LYPD6B: variants seen among roughly 807,000 people sequenced by gnomAD.
LYPD6B encodes the protein ly6/PLAUR domain-containing protein 6B.
LYPD6B carries 17 observed loss-of-function variants against 22.8 expected under a neutral mutation model. That is an observed-to-expected ratio of 0.75 (90% CI 0.51 to 1.12). The LOEUF is 1.12. Among genes scored for constraint, LYPD6B ranks in the 50% most tolerant of loss-of-function variants. The probability of loss-of-function intolerance (pLI) is 0.00; values close to 1 mark genes in which losing one functional copy is unlikely to be tolerated. For missense variants in LYPD6B, 221 were observed against 258.3 expected (o/e 0.86, Z 0.99); for synonymous variants, 106 against 91.6 (o/e 1.16, Z -0.90).
At position 149,142,919 on chromosome 2, in the gene LYPD6B, A is replaced by C. The variant is rs370108185; in HGVS notation, c.5+11966A>C. On this transcript the variant is annotated intron_variant, in intron 2 of 6. Transcript: ENST00000409642. ...AGTAACCTTCGTTTTAGAAATTAATAAACTTTTACTTTAGAATAGTTATAG... is the reference window on the plus strand; with the variant it reads ...AGTAACCTTCGTTTTAGAAATTAATCAACTTTTACTTTAGAATAGTTATAG... Among the ~76,000 whole-genome samples, 12 of 152,346 alleles carry C rather than the reference A, an allele frequency of 7.9e-5. No individual in the cohort carries two copies. The East Asian group carries it at 9.6e-4, about 12-fold the overall frequency.
At chr2:149,183,018 T>C (rs1018645410) in intron 3 of LYPD6B, among the ~76,000 whole-genome samples, 5 of 152,342 alleles carry the variant, frequency 3.3e-5, no homozygotes, top group African/African-American at 1.2e-4. Flanking sequence ...AACTAGAATA[T>C]CTTTAGGAAA....
At chr2:149,176,369 T>G (rs1249885230) in intron 3 of LYPD6B, among the ~76,000 whole-genome samples, 1 of 152,192 alleles carries the variant, frequency 6.6e-6, no homozygotes, top group African/African-American at 2.4e-5. Flanking sequence ...AAATAATACC[T>G]AGTAAAGATG....
intron 1 of LYPD6B, among the ~76,000 whole-genome samples, chr2:149,041,421 G>A (rs556424278): frequency 5.9e-5 from 9 of 152,270 alleles, no homozygotes; most frequent in African/African-American, 2.2e-4. Flanking sequence ...GAAGTTCCCC[G>A]CGTCACTGGC....
intron 1 of LYPD6B, among the ~76,000 whole-genome samples, chr2:149,113,572 C>T (rs1027805514): frequency 2.6e-5 from 4 of 152,134 alleles, no homozygotes; most frequent in Admixed American, 2.0e-4. Flanking sequence ...AAGTGAAATA[C>T]ATTGCAATCT....
chr2:149,128,912 A>G (rs927254868), intron 1 of LYPD6B, among the ~76,000 whole-genome samples: 2 of 152,224 alleles, frequency 1.3e-5, no homozygotes, highest in Non-Finnish European at 2.9e-5. Context: ...TGTAACCATA[A>G]GAAAATCTGA....
At chr2:149,175,915 G>A (rs149736661) in intron 3 of LYPD6B, among the ~76,000 whole-genome samples, 5,681 of 151,440 alleles carry the variant, frequency 0.038, 158 homozygotes, top group Middle Eastern at 0.086. Flanking sequence ...CTTTCTTCTG[G>A]AATACCTCCT....
At chr2:149,160,339 T>C (rs768055887) in intron 2 of LYPD6B, 3 of 429,676 alleles carry the variant, frequency 7.0e-6, no homozygotes, top group Admixed American at 2.4e-5. Context: ...CCAAACCAGG[T>C]TAAATGGCAC....
At chr2:149,081,545 C>A (rs1369288803) in intron 1 of LYPD6B, among the ~76,000 whole-genome samples, 1 of 152,140 alleles carries the variant, frequency 6.6e-6, no homozygotes, top group African/African-American at 2.4e-5. Flanking sequence ...TCCCTTACAA[C>A]CCCATTGCCT....
At chr2:149,189,753 C>T (rs1010376229) in intron 3 of LYPD6B, among the ~76,000 whole-genome samples, 2 of 152,084 alleles carry the variant, frequency 1.3e-5, no homozygotes, top group African/African-American at 4.8e-5. Flanking sequence ...TGAATGTGCT[C>T]TTAGCAGGAT....
intron 2 of LYPD6B, chr2:149,160,481 G>T (rs1689985438): frequency 7.5e-6 from 4 of 534,782 alleles, no homozygotes; most frequent in Non-Finnish European, 1.4e-5. Flanking sequence ...ATGTGATGAG[G>T]TGTATGATTT....
At chr2:149,145,057 G>T (rs1261153892) in intron 2 of LYPD6B, among the ~76,000 whole-genome samples, 1 of 152,132 alleles carries the variant, frequency 6.6e-6, no homozygotes, top group Non-Finnish European at 1.5e-5. Flanking sequence ...TGGGAAGAGG[G>T]GTTCATAGCC....
chr2:149,139,070 C>A lies in LYPD6B; in HGVS notation c.5+8117C>A, dbSNP rs1167860804. On this transcript the variant is annotated intron_variant, in intron 2 of 6. Coordinates refer to ENST00000409642, the MANE Select transcript of LYPD6B (RefSeq NM_177964.5). ...TTTATTCAATGAGGATACATGGAAA[C>A]CCTGTGACATGTAGCACCGTGAAGT... 3.3e-5 allele frequency among the ~76,000 whole-genome samples: 5 copies of A among 152,164 alleles called. No homozygotes were observed. In the East Asian group the frequency reaches 9.6e-4, roughly 29 times the overall value.
chr2:149,160,727 C>A (rs1158860951), intron 2 of LYPD6B, 37 bp from the exon 3 acceptor site: 2 of 1,392,364 alleles, frequency 1.4e-6, no homozygotes, highest in Non-Finnish European at 2.0e-6. Flanking sequence ...TCATCGTCAG[C>A]AGTGGCTCTT....
intron 1 of LYPD6B, among the ~76,000 whole-genome samples, chr2:149,111,821 A>G (rs182815495): frequency 6.6e-6 from 1 of 152,306 alleles, no homozygotes; most frequent in Admixed American, 6.5e-5. Flanking sequence ...AGTCAGGAAG[A>G]TGAGGAAGAG....
intron 3 of LYPD6B, among the ~76,000 whole-genome samples, chr2:149,191,049 C>A (rs1222231583): frequency 6.6e-6 from 1 of 152,076 alleles, no homozygotes; most frequent in Admixed American, 6.6e-5. Flanking sequence ...TAAGCTTATA[C>A]AAATAGAGAA....
intron 1 of LYPD6B, among the ~76,000 whole-genome samples, chr2:149,110,828 T>C (rs2105533481): frequency 1.3e-5 from 2 of 152,234 alleles, no homozygotes; most frequent in South Asian, 4.1e-4. Flanking sequence ...TAGTTCTGTA[T>C]CAGGTAGTAA....
At chr2:149,198,827 T>G (rs1351032269) in intron 3 of LYPD6B, among the ~76,000 whole-genome samples, 1 of 152,256 alleles carries the variant, frequency 6.6e-6, no homozygotes, top group Non-Finnish European at 1.5e-5. Flanking sequence ...GTGATGGGAC[T>G]GCTGTATTAC....
chr2:149,130,723 T>C (rs966817915), intron 1 of LYPD6B, among the ~76,000 whole-genome samples, 160 bp from the exon 2 acceptor site: 3 of 152,210 alleles, frequency 2.0e-5, no homozygotes, highest in African/African-American at 7.2e-5. Flanking sequence ...CAAAATCTGG[T>C]CTTTCTTGTA....
chr2:149,046,558 G>C (rs1004644061), intron 1 of LYPD6B, among the ~76,000 whole-genome samples: 1 of 151,826 alleles, frequency 6.6e-6, no homozygotes, highest in African/African-American at 2.4e-5. Flanking sequence ...TGTCACCCAG[G>C]CCAGAGTACA....
Sources: gnomAD v4.1 joint callset for allele counts (sites outside exome capture counted in the v4.1 genomes callset) on GRCh38, gnomAD v4.1.1 for gene constraint, MANE v1.5 for transcripts, NCBI Gene and HGNC (gene_info 2026-07-23, HGNC 2026-07-21) for gene names.